Variants in MAP3K15 observed in about 807,000 individuals in gnomAD.
The protein encoded by MAP3K15 is mitogen-activated protein kinase kinase kinase 15.
A neutral mutation model predicts 99.5 loss-of-function variants in MAP3K15; 124 were observed. The ratio of observed to expected loss-of-function variants is 1.25; its 90% CI spans 1.08 to 1.45. The LOEUF (loss-of-function observed/expected upper bound fraction) is 1.45. MAP3K15 is among the 40% of genes most tolerant of loss of function. The pLI, the probability that MAP3K15 is intolerant of heterozygous loss-of-function variation, is 0.00. For synonymous variants in MAP3K15, 494 were observed against 439.6 expected (o/e 1.12, Z -1.55); for missense variants, 1,242 against 1,079.7 (o/e 1.15, Z -2.11).
rs753982555 is a variant in MAP3K15 at position 19,426,324 on chromosome X, G to C, written c.1186C>G (p.Leu396Val). Reference sequence around the variant, plus strand: ...ATTCCCGAATAGAGGGATGACTGGAGTTCAAACCCTTTGCGATACCTATAA... The same window carrying C: ...ATTCCCGAATAGAGGGATGACTGGACTTCAAACCCTTTGCGATACCTATAA... Reference protein sequence around the residue: ...AIEWYRKGFELQSSLYSGINL... With the variant: ...AIEWYRKGFEVQSSLYSGINL... The change falls in exon 8 of 29, where the codon CTC becomes GTC. Residue 396 changes from leucine to valine, a missense_variant. Transcript: ENST00000338883. 1.1e-5 allele frequency: 12 copies of C among 1,127,829 alleles called. No homozygotes were observed. Among genetic ancestry groups the C allele is most frequent in the Non-Finnish European group, 1.4e-5 (12 of 851,478 alleles). The allele number at this position is 1,127,829 out of a possible 1,213,427, so 92.9% of individuals were successfully genotyped here.
Position 19,376,880 on chromosome X carries a change from TAAAAAG to T in MAP3K15, c.2590-2226_2590-2221del, listed in dbSNP as rs1356712886. 3.9e-5 allele frequency: 4 copies of T among 103,884 alleles called. No homozygotes were observed. In the East Asian group the frequency reaches 9.1e-4, roughly 24 times the overall value. The allele number at this position is 103,884 out of a possible 1,213,427, so 8.6% of individuals were successfully genotyped here. On this transcript the variant is annotated intron_variant, in intron 19 of 28. Transcript: ENST00000338883. The stretch of plus-strand genomic sequence containing the variant: ...GTTTCACTTGACTAGTTAAAAAAAA[TAAAAAG>T]AAAGATTTAAAAAAGAAAAAAAAAA...
intron 3 of MAP3K15, among the ~76,000 whole-genome samples, chrX:19,470,612 T>C (rs1388056164): frequency 9.3e-6 from 1 of 107,538 alleles, no homozygotes; most frequent in Non-Finnish European, 1.9e-5. Flanking sequence ...ACTGAACTAG[T>C]CAAGTCATGA....
At chrX:19,362,197 G>T (rs752962059) in intron 26 of MAP3K15, among the ~76,000 whole-genome samples, 1 of 107,796 alleles carries the variant, frequency 9.3e-6, no homozygotes, top group Non-Finnish European at 1.9e-5. Context: ...CTTTTCTGGA[G>T]GAAAAGGAAT....
At chrX:19,365,420 C>G (rs2063328354) in intron 25 of MAP3K15, among the ~76,000 whole-genome samples, 1 of 112,016 alleles carries the variant, frequency 8.9e-6, no homozygotes, top group Admixed American at 9.5e-5. Context: ...CCACAGCTCT[C>G]CATACTTTGT....
intron 6 of MAP3K15, among the ~76,000 whole-genome samples, chrX:19,431,962 TA>T (rs1198226168): frequency 1.3e-4 from 12 of 94,510 alleles, no homozygotes; most frequent in African/African-American, 5.5e-4. Flanking sequence ...TTTTTTTTTT[TA>T]AAAAGACAGT....
At position 19,372,710 on chromosome X, in the gene MAP3K15, T is replaced by C. The variant is rs2063384920; in HGVS notation, c.3051A>G (p.Lys1017=). ...KDSERRAILY[K]ILWEEQNQVA... is the part of the protein sequence containing the mutation. ...CCTGGTTCTGCTCCTCCCAGAGGAT[T>C]TTGTACAGGATGGCACGGCGCTCAC... Residue 1017 remains lysine, a synonymous_variant, in exon 22 of 29, where the codon AAA becomes AAG. Coordinates refer to ENST00000338883, the MANE Select transcript of MAP3K15 (RefSeq NM_001001671.4). The C allele has an allele frequency of 8.3e-7, 1 of 1,211,305 alleles. No individual in the cohort carries two copies.
At chrX:19,468,197 G>C in intron 3 of MAP3K15, among the ~76,000 whole-genome samples, 1 of 112,269 alleles carries the variant, frequency 8.9e-6, no homozygotes, top group South Asian at 3.7e-4. Context: ...TGGCAATTAA[G>C]AGAAGGCTGG....
rs199579609 is a variant in MAP3K15 at position 19,484,622 on chromosome X, C to T, written c.525+1860G>A. Among the ~76,000 whole-genome samples the T allele has an allele frequency of 5.2e-4, 58 of 111,357 alleles. 1 individual carries two copies. The highest frequency in any genetic ancestry group is 4.3e-4 in the African/African-American group (13 of 30,581). Reference sequence around the variant, plus strand: ...ACAGCGTGACACCAAGTCTCCGGGACGAGAGACTATTTCTGAGTACTGATG... The same window carrying T: ...ACAGCGTGACACCAAGTCTCCGGGATGAGAGACTATTTCTGAGTACTGATG... On this transcript the variant is annotated intron_variant, in intron 3 of 28. Transcript: ENST00000338883.
At chrX:19,395,930 G>A (rs759810740) in intron 15 of MAP3K15, among the ~76,000 whole-genome samples, 1 of 112,080 alleles carries the variant, frequency 8.9e-6, no homozygotes, top group East Asian at 2.8e-4. Flanking sequence ...AATATACTTT[G>A]TGTTTTAACA....
chrX:19,478,820 A>G (rs973081361), intron 3 of MAP3K15, among the ~76,000 whole-genome samples: 6 of 110,219 alleles, frequency 5.4e-5, no homozygotes, highest in African/African-American at 1.7e-4. Context: ...TTTTAAAAAA[A>G]CAACTGTGAA....
intron 6 of MAP3K15, among the ~76,000 whole-genome samples, chrX:19,434,713 T>G (rs985230285): frequency 5.4e-5 from 6 of 111,816 alleles, no homozygotes. Context: ...TTTTCAGTGC[T>G]CCCAAGGATG....
At chrX:19,454,142 C>CA (rs2064076091) in intron 6 of MAP3K15, among the ~76,000 whole-genome samples, 1 of 111,891 alleles carries the variant, frequency 8.9e-6, no homozygotes, top group Admixed American at 9.5e-5. Context: ...GTCACACATC[C>CA]AACTGCCCTG....
chrX:19,469,464 C>T (rs192046772), intron 3 of MAP3K15, among the ~76,000 whole-genome samples: 1,348 of 111,595 alleles, frequency 0.012, 25 homozygotes, highest in African/African-American at 0.041. Flanking sequence ...AAAACCTAGG[C>T]AATACCTTTC....
At chrX:19,482,751 G>A (rs768362529) in intron 3 of MAP3K15, among the ~76,000 whole-genome samples, 1 of 111,492 alleles carries the variant, frequency 9.0e-6, no homozygotes, top group South Asian at 3.7e-4. Context: ...TTTGTGGTAT[G>A]TAAATTATAC....
At position 19,514,296 on chromosome X, in the gene MAP3K15, G is replaced by A. The variant is rs1043922885; in HGVS notation, c.361+605C>T. Among the ~76,000 whole-genome samples the A allele has an allele frequency of 2.8e-5, 3 of 106,766 alleles. No individual in the cohort carries two copies. The East Asian group carries it at 9.0e-4, about 32-fold the overall frequency. 92.7% of individuals were successfully genotyped at this position (106,766 alleles called of 115,157 possible). On this transcript the variant is annotated intron_variant, in intron 1 of 28. Coordinates refer to ENST00000338883, the MANE Select transcript of MAP3K15 (RefSeq NM_001001671.4). The stretch of plus-strand genomic sequence containing the variant: ...GTAGCCTGCGTTGGGACCCACGGCC[G>A]TAAGAGACCTTCCAGGAATGAGAAA...
intron 18 of MAP3K15, among the ~76,000 whole-genome samples, chrX:19,382,244 C>CAA (rs1047109372): frequency 0.018 from 559 of 30,992 alleles, 6 homozygotes; most frequent in African/African-American, 0.026. Flanking sequence ...ACTCAGTCTC[C>CAA]AAAAAAAAAA....
intron 6 of MAP3K15, among the ~76,000 whole-genome samples, chrX:19,444,794 T>G (rs2063983575): frequency 9.0e-6 from 1 of 111,446 alleles, no homozygotes; most frequent in African/African-American, 3.3e-5. Context: ...ATTAGAGATT[T>G]AAAACAACAT....
chrX:19,465,993 A>T (rs1187859560), intron 3 of MAP3K15, among the ~76,000 whole-genome samples: 1 of 109,677 alleles, frequency 9.1e-6, no homozygotes, highest in Non-Finnish European at 1.9e-5. Context: ...TTGCTCTGTC[A>T]CCCAGGCTGC....
intron 13 of MAP3K15, among the ~76,000 whole-genome samples, chrX:19,401,557 G>A (rs1336158269): frequency 5.4e-5 from 6 of 111,527 alleles, no homozygotes; most frequent in Non-Finnish European, 9.4e-5. Context: ...CAATGCTAAG[G>A]ATAGGGGGAC....
Sources: allele counts gnomAD v4.1 joint callset (sites outside exome capture counted in the v4.1 genomes callset), GRCh38; gene constraint gnomAD v4.1.1; transcripts MANE v1.5; gene names NCBI Gene and HGNC (gene_info 2026-07-23, HGNC 2026-07-21).